The following CCDC91 variants were observed in gnomAD, a reference collection of about 807,000 sequenced individuals.
CCDC91 encodes coiled-coil domain-containing protein 91.
CCDC91 carries 48 observed loss-of-function variants against 63.2 expected under a neutral mutation model. The observed-to-expected ratio is 0.76, with a 90% CI of 0.60 to 0.97. The LOEUF is 0.97. Among genes scored for constraint, CCDC91 ranks in the 50% least tolerant of loss-of-function variants. The pLI, the probability that CCDC91 is intolerant of heterozygous loss-of-function variation, is 0.00. For missense variants in CCDC91, 500 were observed against 494.6 expected (o/e 1.01, Z -0.10); for synonymous variants, 167 against 165.8 (o/e 1.01, Z -0.06).
chr12:28,445,814 C>A (rs1470850811), intron 8 of CCDC91, among the ~76,000 whole-genome samples: 1 of 152,136 alleles, frequency 6.6e-6, no homozygotes, highest in Non-Finnish European at 1.5e-5. Flanking sequence ...AGAGAATACG[C>A]GAGTGCTCTT....
rs554811818 is a variant in CCDC91, at chr12:28,444,604, CACTT to C, written c.763-5554_763-5551del. ...TAGAACACCAAATACAACACATTCTCACTTACAAGTGAGAGCTAATTGATAAGAA... is the reference window on the plus strand; with the variant it reads ...TAGAACACCAAATACAACACATTCTCACAAGTGAGAGCTAATTGATAAGAA... On this transcript the variant is annotated intron_variant, in intron 8 of 12. Coordinates refer to ENST00000536442, the MANE Select transcript of CCDC91 (RefSeq NM_018318.5). 7.2e-3 allele frequency among the ~76,000 whole-genome samples: 1,103 copies of C among 152,256 alleles called. 4 individuals are homozygous for C. The highest frequency in any genetic ancestry group is 0.012 in the Non-Finnish European group (810 of 68,016).
intron 11 of CCDC91, among the ~76,000 whole-genome samples, chr12:28,462,288 A>C (rs1950344413): frequency 6.6e-6 from 1 of 152,134 alleles, no homozygotes; most frequent in African/African-American, 2.4e-5. Flanking sequence ...GAAGTTGTGC[A>C]ATGCCTAATA....
chr12:28,405,175 A>AT (rs887124616), intron 8 of CCDC91, among the ~76,000 whole-genome samples: 12 of 151,712 alleles, frequency 7.9e-5, no homozygotes, highest in Admixed American at 4.6e-4. Context: ...ATTAGTTATA[A>AT]TTTTTTTTCT....
intron 8 of CCDC91, among the ~76,000 whole-genome samples, chr12:28,420,291 A>G (rs547006179): frequency 5.9e-5 from 9 of 152,278 alleles, no homozygotes; most frequent in Non-Finnish European, 1.2e-4. Context: ...AAATTTTTCT[A>G]TGGCTTGAAA....
chr12:28,344,411 T>A (rs1421182739), intron 6 of CCDC91, among the ~76,000 whole-genome samples: 1 of 152,116 alleles, frequency 6.6e-6, no homozygotes, highest in Non-Finnish European at 1.5e-5. Flanking sequence ...AGAAGAAGTT[T>A]CCCTGTAGCA....
In CCDC91 at chr12:28,307,229, C is replaced by A. The variant is rs1379936182; in HGVS notation, c.471+284C>A. Among the ~76,000 whole-genome samples, 3 of 151,774 alleles carry A rather than the reference C, an allele frequency of 2.0e-5. No individual in the cohort carries two copies. The East Asian group carries it at 5.8e-4, about 29-fold the overall frequency. The stretch of plus-strand genomic sequence containing the variant: ...TTTGAAAGCAGGTAGTATTGTGTTT[C>A]TTATGAGGAGGTGAAATTTTGCGAC... On this transcript the variant is annotated intron_variant, in intron 5 of 12. Coordinates refer to ENST00000536442, the MANE Select transcript of CCDC91 (RefSeq NM_018318.5).
chr12:28,301,439 T>G lies in CCDC91; in HGVS notation c.110-4210T>G, dbSNP rs1367432867. 8.0e-4 allele frequency among the ~76,000 whole-genome samples: 122 copies of G among 151,774 alleles called. 2 individuals carry two copies. Among genetic ancestry groups the G allele is most frequent in the African/African-American group, 2.8e-3 (117 of 41,544 alleles). The stretch of plus-strand genomic sequence containing the variant: ...TCTATTGGTTCATTACATATCATTT[T>G]AATATGGTGCTGGATTCATTTTTTT... On this transcript the variant is annotated intron_variant, in intron 3 of 12. Transcript: ENST00000536442.
intron 6 of CCDC91, among the ~76,000 whole-genome samples, chr12:28,355,305 A>G (rs1943450779): frequency 6.6e-6 from 1 of 152,192 alleles, no homozygotes; most frequent in South Asian, 2.1e-4. Flanking sequence ...AGCAGTGGGA[A>G]CAGAGCCAAT....
chr12:28,404,853 A>G (rs1946836926), intron 8 of CCDC91, among the ~76,000 whole-genome samples: 1 of 151,966 alleles, frequency 6.6e-6, no homozygotes, highest in Non-Finnish European at 1.5e-5. Context: ...GTCTTTATCC[A>G]CTTACTTTTA....
At chr12:28,547,957 A>C (rs1343598384) in intron 12 of CCDC91, among the ~76,000 whole-genome samples, 3 of 152,078 alleles carry the variant, frequency 2.0e-5, no homozygotes, top group Non-Finnish European at 4.4e-5. Flanking sequence ...TATGAAATGG[A>C]ATTTATTTGT....
At chr12:28,428,924 TA>T (rs1221436922) in intron 8 of CCDC91, among the ~76,000 whole-genome samples, 1 of 152,162 alleles carries the variant, frequency 6.6e-6, no homozygotes, top group East Asian at 1.9e-4. Flanking sequence ...GTCTAATGTC[TA>T]TATAAATTTT....
intron 12 of CCDC91, among the ~76,000 whole-genome samples, chr12:28,509,387 A>T (rs73087924): frequency 1.6e-3 from 249 of 151,996 alleles, no homozygotes; most frequent in Admixed American, 5.3e-3. Context: ...GGTGCAAGGT[A>T]GATCTTGGTG....
intron 1 of CCDC91, among the ~76,000 whole-genome samples, chr12:28,221,379 A>G (rs1371117059): frequency 6.6e-6 from 1 of 152,046 alleles, no homozygotes; most frequent in Non-Finnish European, 1.5e-5. Flanking sequence ...GTCTGTTTCT[A>G]TCAAGTGATT....
At chr12:28,319,967 A>G (rs1423500046) in intron 6 of CCDC91, among the ~76,000 whole-genome samples, 1 of 151,778 alleles carries the variant, frequency 6.6e-6, no homozygotes, top group Non-Finnish European at 1.5e-5. Flanking sequence ...TTACTCATTT[A>G]TTATTGTGAG....
chr12:28,541,702 T>G (rs1424618079), intron 12 of CCDC91, among the ~76,000 whole-genome samples: 1 of 152,012 alleles, frequency 6.6e-6, no homozygotes, highest in Non-Finnish European at 1.5e-5. Flanking sequence ...TATCATGATC[T>G]TGAAAAAAAA....
intron 1 of CCDC91, among the ~76,000 whole-genome samples, chr12:28,221,843 C>G (rs1943974740): frequency 6.6e-6 from 1 of 152,098 alleles, no homozygotes; most frequent in African/African-American, 2.4e-5. Flanking sequence ...TTGAGAAGAC[C>G]TTTCTTTCTC....
At chr12:28,321,372 A>G (rs1940483615) in intron 6 of CCDC91, among the ~76,000 whole-genome samples, 1 of 151,832 alleles carries the variant, frequency 6.6e-6, no homozygotes, top group Non-Finnish European at 1.5e-5. Flanking sequence ...CTTAACTATG[A>G]TATTATCAAC....
Position 28,461,758 on chromosome 12 carries a change from C to G in CCDC91, c.1101+9104C>G, listed in dbSNP as rs191558084. ...TCTTTCACACACATCTTTGTTGGGT[C>G]ACAGAATCTTCAGTACCACTAAATT... On this transcript the variant is annotated intron_variant, in intron 11 of 12. Transcript: ENST00000536442. Among the ~76,000 whole-genome samples, 115 of 152,100 alleles carry G rather than the reference C, an allele frequency of 7.6e-4. 1 individual carries two copies. The highest frequency in any genetic ancestry group is 2.7e-3 in the African/African-American group (111 of 41,536).
chr12:28,332,808 A>AG (rs1226161850), intron 6 of CCDC91, among the ~76,000 whole-genome samples: 2 of 151,936 alleles, frequency 1.3e-5, no homozygotes, highest in Admixed American at 6.5e-5. Flanking sequence ...CTCATGGCCA[A>AG]CAGCGCTGTA....
Sources: allele counts gnomAD v4.1 joint callset (sites outside exome capture counted in the v4.1 genomes callset), GRCh38; gene constraint gnomAD v4.1.1; transcripts MANE v1.5; gene names NCBI Gene and HGNC (gene_info 2026-07-23, HGNC 2026-07-21).